Variants in BCHE observed in about 807,000 individuals in gnomAD.
BCHE encodes the protein butyrylcholinesterase, also known as cholinesterase.
A neutral mutation model predicts 51.3 loss-of-function variants in BCHE; 48 were observed. The observed-to-expected ratio is 0.94, with a 90% CI of 0.74 to 1.19. The LOEUF is 1.19. Among genes scored for constraint, BCHE ranks in the 50% most tolerant of loss-of-function variants. The probability of loss-of-function intolerance (pLI) is 0.00; values close to 1 mark genes in which losing one functional copy is unlikely to be tolerated. For synonymous variants in BCHE, 251 were observed against 238.0 expected (o/e 1.05, Z -0.50); for missense variants, 847 against 708.2 (o/e 1.20, Z -2.23).
intron 3 of BCHE, 34 bp downstream of exon 3, chr3:165,786,111 C>G: frequency 1.3e-6 from 2 of 1,593,524 alleles, no homozygotes; most frequent in Non-Finnish European, 1.7e-6. Context: ...AACCCATCAT[C>G]TATTAAATAA....
chr3:165,794,736 TAG>T (rs1168058239), intron 2 of BCHE, among the ~76,000 whole-genome samples: 1 of 152,188 alleles, frequency 6.6e-6, no homozygotes, highest in Non-Finnish European at 1.5e-5. Context: ...TTTCAGCCTA[TAG>T]AGCAGACAAA....
intron 3 of BCHE, among the ~76,000 whole-genome samples, chr3:165,774,043 C>T (rs1712360010): frequency 6.6e-6 from 1 of 151,966 alleles, no homozygotes; most frequent in African/African-American, 2.4e-5. Context: ...ATAACATTTT[C>T]ACATAAGCCA....
intron 3 of BCHE, among the ~76,000 whole-genome samples, chr3:165,778,007 T>C (rs1354303681): frequency 2.6e-5 from 4 of 151,938 alleles, no homozygotes; most frequent in Admixed American, 1.3e-4. Context: ...GTAGGCTTAA[T>C]TAGTCAACTT....
At chr3:165,828,738 A>T (rs1353102190) in intron 2 of BCHE, among the ~76,000 whole-genome samples, 1 of 152,110 alleles carries the variant, frequency 6.6e-6, no homozygotes, top group African/African-American at 2.4e-5. Context: ...GGGAGAAAAA[A>T]AAACTACTTT....
At chr3:165,790,431 T>A (rs1713123375) in intron 2 of BCHE, among the ~76,000 whole-genome samples, 1 of 152,198 alleles carries the variant, frequency 6.6e-6, no homozygotes. Flanking sequence ...TGTGTCTCAT[T>A]CCTCAGCTGG....
intron 1 of BCHE, among the ~76,000 whole-genome samples, chr3:165,832,584 G>A (rs1444246278): frequency 9.2e-5 from 14 of 152,146 alleles, no homozygotes; most frequent in Middle Eastern, 3.4e-3. Context: ...GAGCCACCGC[G>A]CCCGGCCATA....
Position 165,830,464 on chromosome 3 carries a change from A to G in BCHE, c.570T>C (p.Ala190=), listed in dbSNP as rs115463466. ...GATCAAATAAACCCATGTTCCCTGGAGCCTCAGGATTTCCTGGCAAAGCTA... is the reference window on the plus strand; with the variant it reads ...GATCAAATAAACCCATGTTCCCTGGGGCCTCAGGATTTCCTGGCAAAGCTA... ...GFLALPGNPE[A]PGNMGLFDQQ... Residue 190 remains alanine (A), a synonymous_variant, in exon 2 of 4, where the codon GCT becomes GCC. Transcript: ENST00000264381. 48 of 1,613,780 alleles carry G rather than the reference A, an allele frequency of 3.0e-5. No homozygotes were observed. The African/African-American group carries it at 6.1e-4, about 21-fold the overall frequency.
intron 2 of BCHE, among the ~76,000 whole-genome samples, chr3:165,820,696 A>G (rs1169756018): frequency 6.6e-6 from 1 of 151,974 alleles, no homozygotes; most frequent in Non-Finnish European, 1.5e-5. Context: ...TCTAATTATA[A>G]GTCTGATAAT....
chr3:165,805,768 C>T (rs1429945927), intron 2 of BCHE, among the ~76,000 whole-genome samples: 3 of 152,072 alleles, frequency 2.0e-5, no homozygotes, highest in African/African-American at 7.2e-5. Context: ...TTTTAAAACA[C>T]TTCTTCTTAC....
intron 2 of BCHE, among the ~76,000 whole-genome samples, chr3:165,804,690 TGA>T (rs1439719577): frequency 6.6e-6 from 1 of 152,170 alleles, no homozygotes; most frequent in African/African-American, 2.4e-5. Context: ...AAGAAATGTT[TGA>T]GTTTTGGGAA....
At chr3:165,774,699 T>G (rs1712399507) in intron 3 of BCHE, among the ~76,000 whole-genome samples, 1 of 152,150 alleles carries the variant, frequency 6.6e-6, no homozygotes. Flanking sequence ...TGAAAGCAGT[T>G]TATTAATTGT....
At chr3:165,807,907 T>C (rs1450026971) in intron 2 of BCHE, among the ~76,000 whole-genome samples, 1 of 152,188 alleles carries the variant, frequency 6.6e-6, no homozygotes, top group Non-Finnish European at 1.5e-5. Flanking sequence ...GTGAAAATTG[T>C]ATGCTTAACA....
intron 2 of BCHE, among the ~76,000 whole-genome samples, chr3:165,795,898 T>C (rs11917864): frequency 0.036 from 5,432 of 151,952 alleles, 343 homozygotes; most frequent in African/African-American, 0.12. Flanking sequence ...TCACAGAGAA[T>C]TTGGATATAG....
Position 165,837,339 on chromosome 3 carries a change from A to T in BCHE, c.-34T>A. 7.8e-7 allele frequency: 1 copy of T among 1,289,736 alleles called. No individual in the cohort carries two copies. The highest frequency in any genetic ancestry group is 1.0e-6 in the Non-Finnish European group (1 of 988,808). The allele number at this position is 1,289,736 out of a possible 1,614,324, so 79.9% of individuals were successfully genotyped here. ...CCGATTCTCTGCAACAAAGATGGCA[A>T]AGTTTGCAAGGAGTGAAAATCATGT... On this transcript the variant is annotated 5_prime_UTR_variant, in exon 1 of 4. It adds an upstream start codon to the 5' untranslated region. Coordinates refer to ENST00000264381, the MANE Select transcript of BCHE (RefSeq NM_000055.4).
At chr3:165,784,803 C>T (rs1712879389) in intron 3 of BCHE, among the ~76,000 whole-genome samples, 1 of 151,668 alleles carries the variant, frequency 6.6e-6, no homozygotes, top group South Asian at 2.1e-4. Flanking sequence ...CTCATTATAT[C>T]TCAAATTATA....
chr3:165,798,689 T>A (rs1460214916), intron 2 of BCHE, among the ~76,000 whole-genome samples: 2 of 152,082 alleles, frequency 1.3e-5, no homozygotes, highest in African/African-American at 4.8e-5. Context: ...TGTTTCCTAA[T>A]AAAAAGCAAT....
intron 3 of BCHE, among the ~76,000 whole-genome samples, chr3:165,773,969 T>G (rs888646480): frequency 6.6e-6 from 1 of 152,072 alleles, no homozygotes; most frequent in Non-Finnish European, 1.5e-5. Context: ...TGTGGGGAGT[T>G]GGTTCTAGGA....
intron 2 of BCHE, among the ~76,000 whole-genome samples, chr3:165,786,664 A>C (rs1576839412): frequency 6.6e-6 from 1 of 151,726 alleles, no homozygotes; most frequent in Non-Finnish European, 1.5e-5. Flanking sequence ...CCCTTATCCT[A>C]GGCCCAAAAA....
At chr3:165,804,178 G>A (rs538177984) in intron 2 of BCHE, among the ~76,000 whole-genome samples, 6 of 152,120 alleles carry the variant, frequency 3.9e-5, no homozygotes, top group African/African-American at 7.2e-5. Context: ...AAGTGACTTC[G>A]CAACATGGAA....
Sources: gnomAD v4.1 joint callset for allele counts (sites outside exome capture counted in the v4.1 genomes callset) on GRCh38, gnomAD v4.1.1 for gene constraint, MANE v1.5 for transcripts, NCBI Gene and HGNC (gene_info 2026-07-23, HGNC 2026-07-21) for gene names.